Variants in SUPT3H observed in about 807,000 individuals in gnomAD.
SUPT3H encodes transcription initiation protein SPT3 homolog.
A neutral mutation model predicts 44.3 loss-of-function variants in SUPT3H; 44 were observed. The observed-to-expected ratio is 0.99, with a 90% CI of 0.78 to 1.28. The LOEUF (loss-of-function observed/expected upper bound fraction) is 1.28. Ranked by LOEUF, SUPT3H falls within the 50% of genes most tolerant of loss-of-function variation. The pLI is 0.00. For synonymous variants in SUPT3H, 124 were observed against 125.6 expected (o/e 0.99, Z 0.09); for missense variants, 380 against 387.1 (o/e 0.98, Z 0.15).
intron 2 of SUPT3H, among the ~76,000 whole-genome samples, chr6:45,323,841 G>A (rs1055062261): frequency 2.0e-5 from 3 of 151,968 alleles, no homozygotes; most frequent in African/African-American, 2.4e-5. Context: ...GTGTTCCAAC[G>A]TATACTATAA....
chr6:44,816,125 T>A (rs914978118), intron 11 of SUPT3H, among the ~76,000 whole-genome samples: 2 of 152,032 alleles, frequency 1.3e-5, no homozygotes, highest in Admixed American at 6.5e-5. Context: ...AAATAAGCCA[T>A]GAGTCAAAGA....
At chr6:44,917,750 A>G (rs992751333) in intron 10 of SUPT3H, among the ~76,000 whole-genome samples, 3 of 152,326 alleles carry the variant, frequency 2.0e-5, no homozygotes, top group East Asian at 1.9e-4. Context: ...GAACTACGAT[A>G]CTGAGAGCTG....
At chr6:44,814,213 G>A (rs1252906792) in intron 11 of SUPT3H, among the ~76,000 whole-genome samples, 1 of 152,120 alleles carries the variant, frequency 6.6e-6, no homozygotes, top group Non-Finnish European at 1.5e-5. Flanking sequence ...CAAAACTTTA[G>A]GAAAAGAGAA....
intron 3 of SUPT3H, among the ~76,000 whole-genome samples, chr6:45,073,607 A>T (rs1215036571): frequency 6.6e-6 from 1 of 152,060 alleles, no homozygotes; most frequent in Non-Finnish European, 1.5e-5. Flanking sequence ...TATATAGAAT[A>T]GTCACTAATT....
At chr6:44,915,088 A>T (rs983789979) in intron 10 of SUPT3H, among the ~76,000 whole-genome samples, 1 of 152,214 alleles carries the variant, frequency 6.6e-6, no homozygotes, top group African/African-American at 2.4e-5. Context: ...TAAAGAAAGT[A>T]TGAGTGCTAA....
chr6:45,083,979 T>C (rs1430269813), intron 3 of SUPT3H, among the ~76,000 whole-genome samples: 1 of 152,202 alleles, frequency 6.6e-6, no homozygotes, highest in Non-Finnish European at 1.5e-5. Flanking sequence ...TTTCACCATA[T>C]ACAGAAATTA....
intron 10 of SUPT3H, among the ~76,000 whole-genome samples, chr6:44,867,307 ACAGT>A (rs1257806217): frequency 1.3e-5 from 2 of 152,024 alleles, no homozygotes; most frequent in African/African-American, 4.8e-5. Flanking sequence ...AGGCATCATC[ACAGT>A]CAGTTAATTT....
chr6:45,354,605 G>GT (rs1309095833), intron 2 of SUPT3H, among the ~76,000 whole-genome samples: 2 of 145,024 alleles, frequency 1.4e-5, no homozygotes, highest in Non-Finnish European at 3.0e-5. Context: ...TATTCAAACA[G>GT]TAACTACACA....
At chr6:44,978,416 T>C (rs1562184735) in intron 6 of SUPT3H, among the ~76,000 whole-genome samples, 1 of 152,200 alleles carries the variant, frequency 6.6e-6, no homozygotes, top group East Asian at 1.9e-4. Context: ...TGTAGGTCTA[T>C]ATGACCCCAA....
intron 2 of SUPT3H, among the ~76,000 whole-genome samples, chr6:45,218,729 C>T (rs935590855): frequency 2.0e-5 from 3 of 151,872 alleles, no homozygotes; most frequent in Non-Finnish European, 4.4e-5. Flanking sequence ...AGCAAAACTC[C>T]GTCTCAAAAA....
At chr6:45,166,860 A>G (rs1445614218) in intron 2 of SUPT3H, among the ~76,000 whole-genome samples, 1 of 152,178 alleles carries the variant, frequency 6.6e-6, no homozygotes, top group Non-Finnish European at 1.5e-5. Flanking sequence ...CTAAAAGTTA[A>G]AAGACTGACA....
chr6:45,220,040 CAAAAAAAAAAAA>C, intron 2 of SUPT3H, among the ~76,000 whole-genome samples: 1 of 33,022 alleles, frequency 3.0e-5, no homozygotes, highest in East Asian at 9.8e-4. Flanking sequence ...GACTCTGTCT[CAAAAAAAAAAAA>C]AAAAAAAAAA....
chr6:45,090,320 A>G (rs918514159), intron 3 of SUPT3H, among the ~76,000 whole-genome samples: 1 of 152,144 alleles, frequency 6.6e-6, no homozygotes, highest in Non-Finnish European at 1.5e-5. Context: ...CTTTTGGAGA[A>G]CAGCCATTAG....
intron 10 of SUPT3H, among the ~76,000 whole-genome samples, chr6:44,885,335 G>C (rs1762078843): frequency 6.6e-6 from 1 of 152,150 alleles, no homozygotes; most frequent in South Asian, 2.1e-4. Flanking sequence ...CCTGACACCT[G>C]ACCCCGAGAA....
At chr6:44,841,264 C>T (rs1770889979) in intron 10 of SUPT3H, among the ~76,000 whole-genome samples, 1 of 152,142 alleles carries the variant, frequency 6.6e-6, no homozygotes, top group Non-Finnish European at 1.5e-5. Flanking sequence ...CTGTTTTAGC[C>T]ATTATTATAT....
At position 45,064,326 on chromosome 6, in the gene SUPT3H, G is replaced by A. The variant is rs1212997650; in HGVS notation, c.186+41596C>T. On this transcript the variant is annotated intron_variant, in intron 3 of 10. Coordinates refer to ENST00000371459, the MANE Select transcript of SUPT3H (RefSeq NM_003599.4). ...TGAAGGAAGCGCTAAACATGGAAAG[G>A]AACAACTGGTACCAGCCGCTGCAAA... is the stretch of plus-strand genomic sequence containing the variant. 3.4e-5 allele frequency among the ~76,000 whole-genome samples: 5 copies of A among 147,370 alleles called. No homozygotes were observed. The East Asian group carries it at 1.0e-3, about 30-fold the overall frequency.
At chr6:44,885,758 C>T (rs923880353) in intron 10 of SUPT3H, among the ~76,000 whole-genome samples, 1 of 152,074 alleles carries the variant, frequency 6.6e-6, no homozygotes, top group African/African-American at 2.4e-5. Context: ...GGAACAAAGC[C>T]GGACGGAGAA....
At chr6:45,087,725 C>G (rs531534239) in intron 3 of SUPT3H, among the ~76,000 whole-genome samples, 2 of 151,856 alleles carry the variant, frequency 1.3e-5, no homozygotes, top group African/African-American at 4.8e-5. Flanking sequence ...GGGGCTTGAG[C>G]TCTCTGTTTC....
At chr6:44,836,696 CAA>C (rs1769976476) in intron 10 of SUPT3H, among the ~76,000 whole-genome samples, 1 of 152,032 alleles carries the variant, frequency 6.6e-6, no homozygotes, top group African/African-American at 2.4e-5. Flanking sequence ...CATAATTGCC[CAA>C]GTCATTTCAA....
Sources: allele counts gnomAD v4.1 joint callset (sites outside exome capture counted in the v4.1 genomes callset), GRCh38; gene constraint gnomAD v4.1.1; transcripts MANE v1.5; gene names NCBI Gene and HGNC (gene_info 2026-07-23, HGNC 2026-07-21).